The following MIB1 variants were observed in gnomAD, a reference collection of about 807,000 sequenced individuals.
MIB1 encodes E3 ubiquitin-protein ligase MIB1.
A neutral mutation model predicts 124.5 loss-of-function variants in MIB1; 278 were observed. That is an observed-to-expected ratio of 2.23 (90% confidence interval 2.02 to 2.47). The LOEUF is 2.47. Among genes scored for constraint, MIB1 ranks in the 30% most tolerant of loss-of-function variants. The probability of loss-of-function intolerance (pLI) is 0.00; values close to 1 mark genes in which losing one functional copy is unlikely to be tolerated. For synonymous variants in MIB1, 446 were observed against 429.4 expected, an observed-to-expected ratio of 1.04 and a Z score of -0.48; for missense variants, 957 against 1,254.4, an observed-to-expected ratio of 0.76 and a Z score of 3.58.
chr18:21,826,580 G>C (rs1015244301), intron 12 of MIB1: 7 of 151,998 alleles, frequency 4.6e-5, no homozygotes, highest in African/African-American at 1.7e-4. Flanking sequence ...ACAATCCATG[G>C]ATACAAGTAT....
intron 12 of MIB1, among the ~76,000 whole-genome samples, chr18:21,823,530 T>G (rs553285959): frequency 1.3e-5 from 2 of 152,284 alleles, no homozygotes; most frequent in African/African-American, 4.8e-5. Context: ...ATTTCAAAGG[T>G]GCAGATCAAT....
chr18:21,787,454 T>C (rs1288054618), intron 6 of MIB1, among the ~76,000 whole-genome samples: 1 of 152,192 alleles, frequency 6.6e-6, no homozygotes. Context: ...GGGATTTTTC[T>C]TCCTGCAGGT....
In MIB1 at chr18:21,750,128, ACTT is replaced by A. The variant is rs556744993; in HGVS notation, c.229+8320_229+8322del. Among the ~76,000 whole-genome samples, 23 of 151,370 alleles carry A rather than the reference ACTT, an allele frequency of 1.5e-4. No individual in the cohort carries two copies. The East Asian group carries it at 3.2e-3, about 21-fold the overall frequency. ...AGTCTCTTTAATTACTCCTGCCCAT[ACTT>A]CTTTCTTTATTTTTTTGAGGTGGAG... is the stretch of plus-strand genomic sequence containing the variant. On this transcript the variant is annotated intron_variant, in intron 1 of 20. Transcript: ENST00000261537.
At chr18:21,799,581 A>T (rs1288931218) in intron 8 of MIB1, among the ~76,000 whole-genome samples, 1 of 152,032 alleles carries the variant, frequency 6.6e-6, no homozygotes, top group Non-Finnish European at 1.5e-5. Context: ...ATCTTGAATT[A>T]TTATTAGTAT....
intron 1 of MIB1, among the ~76,000 whole-genome samples, chr18:21,717,224 C>A (rs1241143181): frequency 6.6e-6 from 1 of 152,142 alleles, no homozygotes; most frequent in African/African-American, 2.4e-5. Context: ...CCTCATCTCT[C>A]ACCTTATACA....
rs778065481 is a variant in MIB1 at position 21,779,610 on chromosome 18, CTT to C, written c.835_836del (p.Leu279AsnfsTer10). On this transcript the variant is annotated frameshift_variant, in exon 6 of 21. Coordinates refer to ENST00000261537, the MANE Select transcript of MIB1 (RefSeq NM_020774.4). LOFTEE classifies it high-confidence loss of function. ...GGATGGACTGATGGAATGTTTGAGA[CTT>C]TAACTACAACTGGAACTGTTTGTGG... 6.2e-7 allele frequency: 1 copy of C among 1,613,996 alleles called. No homozygotes were observed. Among genetic ancestry groups the C allele is most frequent in the Non-Finnish European group, 8.5e-7 (1 of 1,179,962 alleles).
At chr18:21,860,724 C>T (rs1042408218) in intron 20 of MIB1, among the ~76,000 whole-genome samples, 6 of 152,026 alleles carry the variant, frequency 3.9e-5, no homozygotes, top group Non-Finnish European at 8.8e-5. Flanking sequence ...TAACTAATGA[C>T]CCTTGTGATA....
At chr18:21,803,688 CT>C in intron 9 of MIB1, 1 of 395,926 alleles carries the variant, frequency 2.5e-6, no homozygotes, top group African/African-American at 2.0e-5. Flanking sequence ...TATTTCGTAA[CT>C]CTTTGGACAA....
chr18:21,784,724 C>T (rs1484931570), intron 6 of MIB1, among the ~76,000 whole-genome samples: 2 of 152,122 alleles, frequency 1.3e-5, no homozygotes, highest in South Asian at 2.1e-4. Flanking sequence ...CCCTCTGTCA[C>T]GCCCAGACAG....
intron 1 of MIB1, among the ~76,000 whole-genome samples, chr18:21,715,558 T>A (rs2040685877): frequency 6.6e-6 from 1 of 151,824 alleles, no homozygotes; most frequent in South Asian, 2.1e-4. Flanking sequence ...GGTCACTTAT[T>A]AGGCTAATCA....
At chr18:21,752,006 A>G (rs890959701) in intron 1 of MIB1, among the ~76,000 whole-genome samples, 2 of 152,162 alleles carry the variant, frequency 1.3e-5, no homozygotes, top group Admixed American at 1.3e-4. Flanking sequence ...AATATGTCAC[A>G]GGTAGTTTAT....
chr18:21,849,085 A>G, intron 16 of MIB1, 111 bp from the exon 17 acceptor site: 1 of 680,430 alleles, frequency 1.5e-6, no homozygotes, highest in Non-Finnish European at 2.3e-6. Flanking sequence ...TTAATTTTTT[A>G]ATATGACTAG....
At chr18:21,864,205 C>T (rs1030819231) in intron 20 of MIB1, among the ~76,000 whole-genome samples, 5 of 151,986 alleles carry the variant, frequency 3.3e-5, no homozygotes, top group Admixed American at 1.3e-4. Context: ...CTGCTGCCCG[C>T]GTTCAAGTGA....
rs1198282835 is a variant in MIB1, at chr18:21,870,815, T to C, written c.*6149T>C. 6.6e-6 allele frequency: 1 copy of C among 152,228 alleles called. No homozygotes were observed. Among genetic ancestry groups the C allele is most frequent in the African/African-American group, 2.4e-5 (1 of 41,462 alleles). 9.4% of individuals were successfully genotyped at this position (152,228 alleles called of 1,614,324 possible). A position where few individuals can be genotyped will look rare whatever the true frequency, so the allele number is the denominator to read the frequency against. On this transcript the variant is annotated 3_prime_UTR_variant, in exon 21 of 21. Coordinates refer to ENST00000261537, the MANE Select transcript of MIB1 (RefSeq NM_020774.4). ...GAAAAAAGCATATATATTCCAACTTTAAAATTGTGAATTTATTTTGAGTAA... is the reference window on the plus strand; with the variant it reads ...GAAAAAAGCATATATATTCCAACTTCAAAATTGTGAATTTATTTTGAGTAA...
intron 13 of MIB1, among the ~76,000 whole-genome samples, chr18:21,840,661 ATATATTTTTTTT>A (rs2042079631): frequency 1.0e-3 from 2 of 1,918 alleles, no homozygotes; most frequent in Admixed American, 8.2e-3. Flanking sequence ...ATATATATAT[ATATATTTTTTTT>A]TTTTTTTAAT....
intron 19 of MIB1, 71 bp downstream of exon 19, chr18:21,857,314 T>C (rs1361019367): frequency 1.9e-5 from 17 of 885,532 alleles, no homozygotes; most frequent in Admixed American, 9.2e-5. Flanking sequence ...CTCTTCTCTT[T>C]CGTAATACAC....
chr18:21,846,688 A>C (rs1366125634), intron 15 of MIB1, among the ~76,000 whole-genome samples: 1 of 152,170 alleles, frequency 6.6e-6, no homozygotes, highest in South Asian at 2.1e-4. Context: ...TTCTAGCCAT[A>C]TAGGTAAGGT....
intron 1 of MIB1, among the ~76,000 whole-genome samples, chr18:21,711,429 C>T (rs997618955): frequency 7.9e-5 from 12 of 151,816 alleles, no homozygotes; most frequent in African/African-American, 2.7e-4. Context: ...TTACAGGTGC[C>T]TGCCACTACG....
chr18:21,724,563 G>A (rs1309445092), intron 1 of MIB1, among the ~76,000 whole-genome samples: 2 of 149,942 alleles, frequency 1.3e-5, no homozygotes, highest in African/African-American at 2.5e-5. Flanking sequence ...AAATTAGCCG[G>A]GCGTGGTGGC....
Sources: gnomAD v4.1 joint callset for allele counts (sites outside exome capture counted in the v4.1 genomes callset) on GRCh38, gnomAD v4.1.1 for gene constraint, MANE v1.5 for transcripts, NCBI Gene and HGNC (gene_info 2026-07-23, HGNC 2026-07-21) for gene names.